The following KPNA1 variants were observed in gnomAD, a reference collection of about 807,000 sequenced individuals.
KPNA1 encodes the protein importin subunit alpha-5.
A neutral mutation model predicts 70.5 loss-of-function variants in KPNA1; 10 were observed. The ratio of observed to expected loss-of-function variants is 0.14; its 90% CI spans 0.09 to 0.24. The LOEUF is 0.24. Ranked by LOEUF, KPNA1 falls within the 10% of genes least tolerant of loss-of-function variation. KPNA1 has a pLI of 1.00. For synonymous variants in KPNA1, 192 were observed against 221.9 expected, an observed-to-expected ratio of 0.87 and a Z score of 1.20; for missense variants, 397 against 637.9, an observed-to-expected ratio of 0.62 and a Z score of 4.07.
At chr3:122,505,121 T>A (rs986741944) in intron 1 of KPNA1, among the ~76,000 whole-genome samples, 1 of 151,766 alleles carries the variant, frequency 6.6e-6, no homozygotes, top group African/African-American at 2.4e-5. Flanking sequence ...CTGGCCAACA[T>A]GGTGAAACCC....
chr3:122,503,686 G>C (rs956187152), intron 1 of KPNA1, among the ~76,000 whole-genome samples: 1 of 152,022 alleles, frequency 6.6e-6, no homozygotes, highest in Non-Finnish European at 1.5e-5. Flanking sequence ...TTACTGAAAT[G>C]GTCATTATTT....
intron 2 of KPNA1, among the ~76,000 whole-genome samples, chr3:122,472,152 C>T (rs938044902): frequency 5.9e-5 from 9 of 152,172 alleles, no homozygotes; most frequent in African/African-American, 2.2e-4. Flanking sequence ...TTTTTACACT[C>T]ATAGGATATT....
At chr3:122,502,648 G>A (rs2076841905) in intron 1 of KPNA1, among the ~76,000 whole-genome samples, 1 of 152,208 alleles carries the variant, frequency 6.6e-6, no homozygotes, top group African/African-American at 2.4e-5. Context: ...AACTTTATCA[G>A]ACTAAAAGGT....
chr3:122,506,222 TG>T (rs1359095081), intron 1 of KPNA1, among the ~76,000 whole-genome samples: 1 of 152,218 alleles, frequency 6.6e-6, no homozygotes, highest in Non-Finnish European at 1.5e-5. Flanking sequence ...AATACTCTTG[TG>T]GAACAACTTG....
intron 3 of KPNA1, among the ~76,000 whole-genome samples, chr3:122,467,006 C>CATAA (rs71136571): frequency 0.044 from 6,276 of 141,980 alleles, 160 homozygotes; most frequent in African/African-American, 0.072. Flanking sequence ...GTCTCTAAAA[C>CATAA]ATAAATAAAT....
chr3:122,501,482 T>G (rs917029516), intron 1 of KPNA1, among the ~76,000 whole-genome samples: 7 of 152,200 alleles, frequency 4.6e-5, no homozygotes, highest in African/African-American at 1.7e-4. Context: ...CATCAGTTAT[T>G]TAGGAGTATG....
intron 2 of KPNA1, among the ~76,000 whole-genome samples, chr3:122,477,272 G>A (rs2076512952): frequency 1.3e-5 from 2 of 152,166 alleles, no homozygotes; most frequent in South Asian, 4.1e-4. Context: ...GTGGAGGGCT[G>A]GGGACAGGAA....
In KPNA1 at chr3:122,508,714, C is replaced by CA. The variant is rs1032775337; in HGVS notation, c.-6+6042dup. ...ATGAGTATATGCCCTCCACCCACCA[C>CA]AAAAAAAATGGCCACCAGCTACTCT... is the stretch of plus-strand genomic sequence containing the variant. On this transcript the variant is annotated intron_variant, in intron 1 of 13. Coordinates refer to ENST00000344337, the MANE Select transcript of KPNA1 (RefSeq NM_002264.4). Among the ~76,000 whole-genome samples, 172 of 151,800 alleles carry CA rather than the reference C, an allele frequency of 1.1e-3. 1 individual carries two copies. In the Middle Eastern group the frequency reaches 0.027, roughly 24 times the overall value.
At chr3:122,437,685 C>A (rs746253257) in intron 10 of KPNA1, among the ~76,000 whole-genome samples, 2 of 151,934 alleles carry the variant, frequency 1.3e-5, no homozygotes, top group Admixed American at 6.6e-5. Flanking sequence ...AGTCAATGAA[C>A]GAATACGTAC....
chr3:122,459,939 C>T (rs1007489359), intron 5 of KPNA1: 3 of 985,272 alleles, frequency 3.0e-6, no homozygotes, highest in Admixed American at 6.1e-5. Context: ...AACCTGGGGA[C>T]AGGAGCTATC....
intron 9 of KPNA1, among the ~76,000 whole-genome samples, chr3:122,446,333 G>A (rs904221373): frequency 2.0e-5 from 3 of 152,152 alleles, no homozygotes; most frequent in Non-Finnish European, 2.9e-5. Context: ...TTTCAGACCA[G>A]AGTGCAATCA....
At chr3:122,482,333 T>C (rs1312151885) in intron 2 of KPNA1, among the ~76,000 whole-genome samples, 1 of 152,216 alleles carries the variant, frequency 6.6e-6, no homozygotes, top group Non-Finnish European at 1.5e-5. Flanking sequence ...ATATATGTGC[T>C]CCATAGCTGA....
chr3:122,506,432 T>A (rs1204792741), intron 1 of KPNA1, among the ~76,000 whole-genome samples: 4 of 152,238 alleles, frequency 2.6e-5, no homozygotes, highest in Non-Finnish European at 5.9e-5. Context: ...CAGCTTCTAG[T>A]CAAACGATAG....
chr3:122,493,356 A>T (rs956829580), intron 2 of KPNA1, among the ~76,000 whole-genome samples: 24 of 91,096 alleles, frequency 2.6e-4, no homozygotes, highest in African/African-American at 7.7e-4. Flanking sequence ...AGGGACAAGA[A>T]AAAAAAAAAA....
At chr3:122,457,500 G>A (rs2076277089) in intron 5 of KPNA1, among the ~76,000 whole-genome samples, 1 of 152,162 alleles carries the variant, frequency 6.6e-6, no homozygotes. Context: ...TAATATCCAA[G>A]AATGGCATCA....
At chr3:122,488,917 T>C (rs1376731948) in intron 2 of KPNA1, among the ~76,000 whole-genome samples, 1 of 152,204 alleles carries the variant, frequency 6.6e-6, no homozygotes, top group African/African-American at 2.4e-5. Flanking sequence ...TTTACAGTTC[T>C]TCATTATAAA....
chr3:122,458,519 T>C (rs1160164791), intron 5 of KPNA1, among the ~76,000 whole-genome samples: 4 of 152,190 alleles, frequency 2.6e-5, no homozygotes, highest in East Asian at 1.9e-4. Context: ...TCTTTATCTA[T>C]GGAATGAAGA....
At chr3:122,451,144 G>GA (rs370928184) in intron 8 of KPNA1, among the ~76,000 whole-genome samples, 24 of 142,050 alleles carry the variant, frequency 1.7e-4, no homozygotes, top group East Asian at 4.0e-4. Context: ...AAACCTATTG[G>GA]AAAAAAAAAA....
chr3:122,496,491 G>GC lies in KPNA1; in HGVS notation c.74dup (p.Arg26GlnfsTer44). The GC allele has an allele frequency of 6.2e-7, 1 of 1,613,678 alleles. No individual in the cohort carries two copies. The highest frequency in any genetic ancestry group is 8.5e-7 in the Non-Finnish European group (1 of 1,179,682). On this transcript the variant is annotated frameshift_variant, in exon 2 of 14. Coordinates refer to ENST00000344337, the MANE Select transcript of KPNA1 (RefSeq NM_002264.4). LOFTEE classifies it high-confidence loss of function. Reference sequence around the variant, plus strand: ...GCAGTCCTTCTTCCTCCCTCCTCCTGCGCATCTCATCGGGATTCAGAGATT... The same window carrying GC: ...GCAGTCCTTCTTCCTCCCTCCTCCTGCCGCATCTCATCGGGATTCAGAGATT...
Sources: allele counts gnomAD v4.1 joint callset (sites outside exome capture counted in the v4.1 genomes callset), GRCh38; gene constraint gnomAD v4.1.1; transcripts MANE v1.5; gene names NCBI Gene and HGNC (gene_info 2026-07-23, HGNC 2026-07-21).